Variants in FANCC observed in about 807,000 individuals in gnomAD.
The protein encoded by FANCC is FA complementation group C.
In FANCC, 55 loss-of-function variants were observed where a neutral mutation model predicts 71.3. That is an observed-to-expected ratio of 0.77 (90% confidence interval 0.62 to 0.97). The LOEUF is 0.97. FANCC is among the 50% of genes least tolerant of loss of function. The probability of loss-of-function intolerance (pLI) is 0.00; values close to 1 mark genes in which losing one functional copy is unlikely to be tolerated. For missense variants in FANCC, 678 were observed against 670.9 expected (o/e 1.01, Z -0.12); for synonymous variants, 275 against 244.9 (o/e 1.12, Z -1.15).
chr9:95,101,936 G>T, intron 14 of FANCC, 86 bp from the exon 15 acceptor site: 1 of 1,484,864 alleles, frequency 6.7e-7, no homozygotes. Flanking sequence ...TAACCACCCA[G>T]TCCCTGAAAG....
At chr9:95,282,399 A>G (rs1392680584) in intron 1 of FANCC, among the ~76,000 whole-genome samples, 1 of 152,162 alleles carries the variant, frequency 6.6e-6, no homozygotes, top group African/African-American at 2.4e-5. Context: ...GGGTAAATGT[A>G]TATGCACCCA....
chr9:95,149,843 C>T (rs555029713), intron 7 of FANCC, 80 bp downstream of exon 7: 59 of 1,466,540 alleles, frequency 4.0e-5, no homozygotes, highest in Middle Eastern at 2.4e-4. Flanking sequence ...ACACTGCTGT[C>T]GTACAGTCTT....
At chr9:95,280,157 A>G (rs1833300833) in intron 1 of FANCC, among the ~76,000 whole-genome samples, 1 of 152,124 alleles carries the variant, frequency 6.6e-6, no homozygotes, top group Admixed American at 6.5e-5. Context: ...ATTAAAAAAA[A>G]CAAATTTTAA....
At chr9:95,224,458 T>C (rs1404599222) in intron 4 of FANCC, among the ~76,000 whole-genome samples, 1 of 151,834 alleles carries the variant, frequency 6.6e-6, no homozygotes, top group Non-Finnish European at 1.5e-5. Context: ...GCATAACACA[T>C]ACCAAGCATT....
chr9:95,231,293 G>T (rs971283854), intron 4 of FANCC, among the ~76,000 whole-genome samples: 1 of 152,300 alleles, frequency 6.6e-6, no homozygotes, highest in African/African-American at 2.4e-5. Flanking sequence ...TTTCAATGGT[G>T]GTTGCAAACA....
At chr9:95,236,044 A>C (rs951693425) in intron 4 of FANCC, among the ~76,000 whole-genome samples, 1 of 152,100 alleles carries the variant, frequency 6.6e-6, no homozygotes. Flanking sequence ...AAAAAAGAAG[A>C]AAGTAGAGGA....
chr9:95,173,742 C>T (rs1236740145), intron 4 of FANCC, among the ~76,000 whole-genome samples: 1 of 152,002 alleles, frequency 6.6e-6, no homozygotes, highest in Non-Finnish European at 1.5e-5. Flanking sequence ...ACAGAGAAAT[C>T]CCACCTCTAT....
chr9:95,227,176 C>G (rs1829672396), intron 4 of FANCC, among the ~76,000 whole-genome samples: 1 of 152,202 alleles, frequency 6.6e-6, no homozygotes, highest in African/African-American at 2.4e-5. Flanking sequence ...GAGAAATGAT[C>G]TACTTGGTCA....
intron 1 of FANCC, among the ~76,000 whole-genome samples, chr9:95,254,240 T>C (rs1158059227): frequency 2.6e-5 from 4 of 152,246 alleles, no homozygotes; most frequent in Non-Finnish European, 5.9e-5. Context: ...TTTCAATATG[T>C]TACTTTCTAC....
chr9:95,184,606 G>A (rs1410973452), intron 4 of FANCC, among the ~76,000 whole-genome samples: 1 of 152,192 alleles, frequency 6.6e-6, no homozygotes, highest in African/African-American at 2.4e-5. Context: ...TCACAAAGAT[G>A]TCAGTTCTCT....
chr9:95,155,892 G>GT (rs68175473), intron 6 of FANCC, among the ~76,000 whole-genome samples: 125,744 of 138,874 alleles, frequency 0.91, 56,899 homozygotes, highest in Middle Eastern at 0.97. Context: ...CTTTTTTTGG[G>GT]TTTTTTTTTT....
Position 95,161,811 on chromosome 9 carries a change from C to A in FANCC, c.521+9268G>T, listed in dbSNP as rs535657657. Among the ~76,000 whole-genome samples the A allele has an allele frequency of 3.3e-5, 5 of 151,350 alleles. No homozygotes were observed. The East Asian group carries it at 9.8e-4, about 30-fold the overall frequency. On this transcript the variant is annotated intron_variant, in intron 6 of 14. Transcript: ENST00000289081. ...CCCTCTTCCTCCCATCCCAAGGTAACCACTATTCTACTTTCTGCTTCTTTT... is the reference window on the plus strand; with the variant it reads ...CCCTCTTCCTCCCATCCCAAGGTAAACACTATTCTACTTTCTGCTTCTTTT...
At chr9:95,228,196 G>A (rs1325373781) in intron 4 of FANCC, among the ~76,000 whole-genome samples, 1 of 152,200 alleles carries the variant, frequency 6.6e-6, no homozygotes, top group Non-Finnish European at 1.5e-5. Flanking sequence ...AAGAAAAGAT[G>A]GGAGGGGAGC....
At chr9:95,242,517 TTA>T (rs1830696882) in intron 3 of FANCC, among the ~76,000 whole-genome samples, 1 of 151,422 alleles carries the variant, frequency 6.6e-6, no homozygotes, top group Non-Finnish European at 1.5e-5. Flanking sequence ...AAATGTCAGT[TTA>T]TGAGTTTATG....
In FANCC at chr9:95,219,314, A is replaced by G. The variant is rs79844346; in HGVS notation, c.345+21335T>C. On this transcript the variant is annotated intron_variant, in intron 4 of 14. Coordinates refer to ENST00000289081, the MANE Select transcript of FANCC (RefSeq NM_000136.3). ...TACATGTAACAGCAGCCATGTATAC[A>G]GCGGAATTGGAAAAAAACAAAAAAC... Among the ~76,000 whole-genome samples, 480 of 152,342 alleles carry G rather than the reference A, an allele frequency of 3.2e-3. 9 individuals carry two copies. The East Asian group carries it at 0.043, about 14-fold the overall frequency.
At chr9:95,188,974 C>T (rs889948177) in intron 4 of FANCC, among the ~76,000 whole-genome samples, 2 of 152,160 alleles carry the variant, frequency 1.3e-5, no homozygotes, top group African/African-American at 4.8e-5. Context: ...CTTTCATTTA[C>T]ATCTCAGTAT....
chr9:95,122,712 C>T (rs905633086), intron 10 of FANCC, among the ~76,000 whole-genome samples: 4 of 152,296 alleles, frequency 2.6e-5, no homozygotes, highest in South Asian at 4.1e-4. Context: ...AAAAGAGGCG[C>T]GAGCTAACCC....
chr9:95,191,684 C>T (rs929060089), intron 4 of FANCC, among the ~76,000 whole-genome samples: 2 of 152,078 alleles, frequency 1.3e-5, no homozygotes, highest in African/African-American at 4.8e-5. Flanking sequence ...CTTTGCCACC[C>T]AAGAACATGA....
intron 4 of FANCC, among the ~76,000 whole-genome samples, chr9:95,203,156 G>C (rs1827900933): frequency 1.3e-5 from 2 of 152,044 alleles, no homozygotes; most frequent in Non-Finnish European, 2.9e-5. Flanking sequence ...CAGAACTTTG[G>C]GAGGCTGAAG....
Sources: allele counts gnomAD v4.1 joint callset (sites outside exome capture counted in the v4.1 genomes callset), GRCh38; gene constraint gnomAD v4.1.1; transcripts MANE v1.5; gene names NCBI Gene and HGNC (gene_info 2026-07-23, HGNC 2026-07-21).